Variants in SNTG1 observed in about 807,000 individuals in gnomAD.
SNTG1 encodes syntrophin gamma 1, also known as gamma-1-syntrophin.
Under a neutral mutation model 74.7 loss-of-function variants are expected in SNTG1, and 39 were observed. The observed-to-expected ratio is 0.52, with a 90% CI of 0.40 to 0.68. SNTG1 has a LOEUF of 0.68. Ranked by LOEUF, SNTG1 falls within the 30% of genes least tolerant of loss-of-function variation. The pLI, the probability that SNTG1 is intolerant of heterozygous loss-of-function variation, is 0.00. For synonymous variants in SNTG1, 254 were observed against 217.1 expected (o/e 1.17, Z -1.49); for missense variants, 685 against 609.5 (o/e 1.12, Z -1.30).
At chr8:50,283,959 T>C (rs557947513) in intron 2 of SNTG1, among the ~76,000 whole-genome samples, 1 of 152,174 alleles carries the variant, frequency 6.6e-6, no homozygotes, top group Non-Finnish European at 1.5e-5. Flanking sequence ...AAAATTACTA[T>C]AAATTGTTGG....
intron 1 of SNTG1, among the ~76,000 whole-genome samples, chr8:49,917,906 C>G (rs943405639): frequency 6.6e-6 from 1 of 152,090 alleles, no homozygotes. Flanking sequence ...TAGAACAAAA[C>G]GTGAGAACTG....
chr8:50,261,727 T>C (rs1288625090), intron 2 of SNTG1, among the ~76,000 whole-genome samples: 2 of 151,968 alleles, frequency 1.3e-5, no homozygotes, highest in East Asian at 1.9e-4. Context: ...TAGACGTAAA[T>C]GTAAATTGCA....
intron 1 of SNTG1, among the ~76,000 whole-genome samples, chr8:50,019,299 T>C (rs1816615336): frequency 6.6e-6 from 1 of 152,084 alleles, no homozygotes; most frequent in Non-Finnish European, 1.5e-5. Context: ...TGATGTAAGT[T>C]CTTTTACTTG....
chr8:50,271,618 A>G (rs1371821351), intron 2 of SNTG1, among the ~76,000 whole-genome samples: 2 of 152,240 alleles, frequency 1.3e-5, no homozygotes. Flanking sequence ...AAATTAAGGT[A>G]TAATTCAGTT....
intron 1 of SNTG1, among the ~76,000 whole-genome samples, chr8:50,070,489 A>C (rs1171203927): frequency 6.6e-6 from 1 of 152,202 alleles, no homozygotes; most frequent in Non-Finnish European, 1.5e-5. Flanking sequence ...AAACCATTAA[A>C]TCAGATGACA....
chr8:50,723,650 G>T (rs1470483327), intron 17 of SNTG1, among the ~76,000 whole-genome samples: 3 of 152,070 alleles, frequency 2.0e-5, no homozygotes, highest in African/African-American at 7.2e-5. Context: ...ACAAAAGTTG[G>T]AATTATTGCA....
intron 15 of SNTG1, among the ~76,000 whole-genome samples, chr8:50,701,631 C>T (rs796809814): frequency 6.5e-3 from 528 of 80,990 alleles, no homozygotes; most frequent in African/African-American, 0.032. Flanking sequence ...GTTCCTCTTC[C>T]TCTTCTTCTT....
chr8:49,944,098 C>CAGTT (rs1808939818), intron 1 of SNTG1, among the ~76,000 whole-genome samples: 1 of 152,098 alleles, frequency 6.6e-6, no homozygotes, highest in African/African-American at 2.4e-5. Flanking sequence ...ATTATTTCAG[C>CAGTT]AGTTACTATA....
In SNTG1 at chr8:50,051,505, T is replaced by C. The variant is rs549841494; in HGVS notation, c.-102-121056T>C. ...GGCTGCCATATTAAAGTGCCACAAATGAGGTGGCTTAAAATAACCAAAATT... is the reference window on the plus strand; with the variant it reads ...GGCTGCCATATTAAAGTGCCACAAACGAGGTGGCTTAAAATAACCAAAATT... On this transcript the variant is annotated intron_variant, in intron 1 of 18. Transcript: ENST00000642720. Among the ~76,000 whole-genome samples the C allele has an allele frequency of 6.8e-4, 103 of 152,228 alleles. 2 individuals carry two copies. The South Asian group carries it at 0.01, about 15-fold the overall frequency.
At chr8:50,603,584 C>T (rs2094790802) in intron 13 of SNTG1, among the ~76,000 whole-genome samples, 2 of 152,078 alleles carry the variant, frequency 1.3e-5, no homozygotes, top group African/African-American at 2.4e-5. Context: ...GGTTTGTCAG[C>T]ATCTGGGCAT....
intron 2 of SNTG1, among the ~76,000 whole-genome samples, chr8:50,242,557 ATGTAT>A (rs1374810580): frequency 6.0e-5 from 9 of 149,924 alleles, no homozygotes; most frequent in African/African-American, 2.2e-4. Context: ...ACACCAGGAA[ATGTAT>A]TGTATTTATT....
At chr8:50,560,149 C>G (rs1017870370) in intron 12 of SNTG1, among the ~76,000 whole-genome samples, 1 of 152,036 alleles carries the variant, frequency 6.6e-6, no homozygotes, top group Non-Finnish European at 1.5e-5. Context: ...TAGAGAAATG[C>G]AAATCAAAAC....
chr8:50,322,851 T>C (rs547059070), intron 2 of SNTG1, among the ~76,000 whole-genome samples: 1 of 152,002 alleles, frequency 6.6e-6, no homozygotes, highest in South Asian at 2.1e-4. Context: ...GCAAAGTGAC[T>C]CATGCCTGTA....
At chr8:50,636,427 G>A (rs567384517) in intron 13 of SNTG1, among the ~76,000 whole-genome samples, 3 of 152,132 alleles carry the variant, frequency 2.0e-5, no homozygotes, top group African/African-American at 7.2e-5. Context: ...TTTGGCACAC[G>A]GTAGTAAAGC....
chr8:50,391,236 A>C (rs1168013685), intron 2 of SNTG1, among the ~76,000 whole-genome samples: 2 of 152,112 alleles, frequency 1.3e-5, no homozygotes, highest in East Asian at 3.9e-4. Flanking sequence ...TTATTTTGAG[A>C]TATGTCCCAT....
chr8:50,407,035 C>T (rs1452051580), intron 4 of SNTG1, among the ~76,000 whole-genome samples: 1 of 152,126 alleles, frequency 6.6e-6, no homozygotes, highest in Non-Finnish European at 1.5e-5. Context: ...CCCGCAGACG[C>T]CTCTGTATTA....
At chr8:50,632,642 A>C (rs2095009347) in intron 13 of SNTG1, among the ~76,000 whole-genome samples, 1 of 152,188 alleles carries the variant, frequency 6.6e-6, no homozygotes, top group South Asian at 2.1e-4. Context: ...GGTTAAGAAA[A>C]ATATATTTTA....
intron 1 of SNTG1, among the ~76,000 whole-genome samples, chr8:50,122,294 C>T (rs2081022740): frequency 7.0e-6 from 1 of 142,300 alleles, no homozygotes; most frequent in Non-Finnish European, 1.6e-5. Flanking sequence ...TAACTACTCC[C>T]TTATTCCCAG....
intron 1 of SNTG1, among the ~76,000 whole-genome samples, chr8:50,047,754 A>AT (rs1161088722): frequency 1.3e-5 from 2 of 152,194 alleles, no homozygotes; most frequent in Non-Finnish European, 2.9e-5. Flanking sequence ...CTTGACTGTC[A>AT]TAACAACCTG....
Sources: allele counts gnomAD v4.1 joint callset (sites outside exome capture counted in the v4.1 genomes callset), GRCh38; gene constraint gnomAD v4.1.1; transcripts MANE v1.5; gene names NCBI Gene and HGNC (gene_info 2026-07-23, HGNC 2026-07-21).